Variants in SRP68 observed in about 807,000 individuals in gnomAD.
SRP68 encodes signal recognition particle 68.
A neutral mutation model predicts 82.2 loss-of-function variants in SRP68; 15 were observed. The observed-to-expected ratio is 0.18, with a 90% CI of 0.12 to 0.28. The LOEUF is 0.28. Among genes scored for constraint, SRP68 ranks in the 10% least tolerant of loss-of-function variants. The probability of loss-of-function intolerance (pLI) is 1.00; values close to 1 mark genes in which losing one functional copy is unlikely to be tolerated. For synonymous variants in SRP68, 261 were observed against 292.6 expected (o/e 0.89, Z 1.10); for missense variants, 595 against 780.5 (o/e 0.76, Z 2.83).
intron 14 of SRP68, 163 bp from the exon 15 acceptor site, chr17:76,040,637 G>C: frequency 1.4e-6 from 1 of 736,840 alleles, no homozygotes; most frequent in South Asian, 1.7e-5. Flanking sequence ...GAGATAAACA[G>C]ATCAATCCCA....
At chr17:76,063,323 T>C (rs2066783302) in intron 4 of SRP68, among the ~76,000 whole-genome samples, 1 of 152,186 alleles carries the variant, frequency 6.6e-6, no homozygotes, top group Non-Finnish European at 1.5e-5. Context: ...AAAGTTTACT[T>C]TGTGAACTTT....
chr17:76,072,260 A>C lies in SRP68; in HGVS notation c.184+48T>G. 6.2e-7 allele frequency: 1 copy of C among 1,600,038 alleles called. No homozygotes were observed. Among genetic ancestry groups the C allele is most frequent in the South Asian group, 1.1e-5 (1 of 89,344 alleles). On this transcript the variant is annotated intron_variant, in intron 1 of 15. Coordinates refer to ENST00000307877, the MANE Select transcript of SRP68 (RefSeq NM_014230.4). The surrounding 1 kb of genome is among the most constrained non-coding windows in gnomAD (Gnocchi z 4.5). ...CCGCCTCTCCCGCCCCCAGCCCTCC[A>C]GTTCGACACGTAATCATTGCGAGTT...
At chr17:76,064,819 C>T (rs901233305) in intron 3 of SRP68, among the ~76,000 whole-genome samples, 1 of 115,140 alleles carries the variant, frequency 8.7e-6, no homozygotes, top group Admixed American at 1.1e-4. Context: ...CTCGTTTGGG[C>T]AACAGGGCAA....
At chr17:76,059,869 T>C (rs1484322077) in intron 7 of SRP68, among the ~76,000 whole-genome samples, 1 of 150,984 alleles carries the variant, frequency 6.6e-6, no homozygotes, top group African/African-American at 2.4e-5. Flanking sequence ...CTCATGCCTG[T>C]AATCCCAGCA....
chr17:76,044,559 G>A (rs917214417), intron 12 of SRP68, among the ~76,000 whole-genome samples: 13 of 152,144 alleles, frequency 8.5e-5, no homozygotes, highest in African/African-American at 3.1e-4. Flanking sequence ...GGGCCCCATC[G>A]TGCTACCCAG....
At chr17:76,062,758 TATATATAA>T (rs1319869287) in intron 4 of SRP68, among the ~76,000 whole-genome samples, 1 of 77,028 alleles carries the variant, frequency 1.3e-5, no homozygotes, top group Non-Finnish European at 2.3e-5. Context: ...TATATATATA[TATATATAA>T]AATATATATA....
At chr17:76,050,922 C>G (rs971036076) in intron 8 of SRP68, among the ~76,000 whole-genome samples, 6 of 151,878 alleles carry the variant, frequency 4.0e-5, no homozygotes, top group Admixed American at 2.0e-4. Flanking sequence ...CACTGAAGCA[C>G]AGCACACCAG....
chr17:76,064,198 CA>C, intron 3 of SRP68, 27 bp from the exon 4 acceptor site: 1 of 1,600,140 alleles, frequency 6.2e-7, no homozygotes, highest in Non-Finnish European at 8.5e-7. Context: ...AGTGGGGAGA[CA>C]ATAAAGGCCA....
intron 3 of SRP68, among the ~76,000 whole-genome samples, chr17:76,064,959 T>C (rs1416559597): frequency 2.0e-5 from 3 of 151,898 alleles, no homozygotes; most frequent in Non-Finnish European, 4.4e-5. Flanking sequence ...GGCAAAGTAC[T>C]AACCTTTCTG....
intron 8 of SRP68, among the ~76,000 whole-genome samples, chr17:76,052,490 C>T (rs955866898): frequency 6.6e-6 from 1 of 152,066 alleles, no homozygotes; most frequent in African/African-American, 2.4e-5. Context: ...GGACAAATAC[C>T]TAATGCACAC....
At chr17:76,054,730 G>A (rs950246294) in intron 8 of SRP68, among the ~76,000 whole-genome samples, 2 of 151,872 alleles carry the variant, frequency 1.3e-5, no homozygotes, top group African/African-American at 4.8e-5. Flanking sequence ...GGCTGAGGCA[G>A]GAGAATCACT....
At chr17:76,059,785 G>C (rs911545095) in intron 7 of SRP68, among the ~76,000 whole-genome samples, 2 of 95,218 alleles carry the variant, frequency 2.1e-5, no homozygotes, top group African/African-American at 1.2e-4. Flanking sequence ...GAGTAAGACT[G>C]TCTCAAAAAA....
At position 76,050,466 on chromosome 17, in the gene SRP68, C is replaced by T. The variant is rs750854248; in HGVS notation, c.1039G>A (p.Ala347Thr). 2.4e-5 allele frequency: 39 copies of T among 1,613,722 alleles called. No homozygotes were observed. The highest frequency in any genetic ancestry group is 1.1e-4 in the African/African-American group (8 of 74,854). The part of the protein sequence containing the change: ...FESMLSECRD[A>T]IQVVREELKP... ...AGCTCCTCCCGAACCACCTGGATGG[C>T]GTCCCGACACTCGCTGAGCATTGAT... The change falls in exon 9 of 16, where the codon GCC (alanine) becomes ACC (threonine). Residue 347 changes from alanine to threonine, a missense_variant. By Grantham distance (58) the Ala-to-Thr change is moderately conservative. Coordinates refer to ENST00000307877, the MANE Select transcript of SRP68 (RefSeq NM_014230.4).
Position 76,040,492 on chromosome 17 carries a change from A to T in SRP68, c.1601-18T>A, listed in dbSNP as rs2260516. 305,938 of 1,610,268 alleles carry T rather than the reference A, an allele frequency of 0.19. 29,642 individuals are homozygous for T. Among genetic ancestry groups the T allele is most frequent in the Non-Finnish European group, 0.2 (234,388 of 1,176,694 alleles). On this transcript the variant is annotated intron_variant, in intron 14 of 15. Coordinates refer to ENST00000307877, the MANE Select transcript of SRP68 (RefSeq NM_014230.4). ...GTTTGCATCTGAAAGTTTCACAGGG[A>T]TTCAGTAAGAACAAGGATTTATAAT...
intron 13 of SRP68, among the ~76,000 whole-genome samples, chr17:76,043,090 C>A (rs2066603413): frequency 6.6e-6 from 1 of 151,734 alleles, no homozygotes; most frequent in South Asian, 2.1e-4. Flanking sequence ...ATAGTGAGAC[C>A]CCCATCTCTA....
intron 8 of SRP68, chr17:76,053,497 G>A (rs931801916): frequency 3.0e-6 from 3 of 985,220 alleles, no homozygotes; most frequent in African/African-American, 1.7e-5. Flanking sequence ...TACAGTTCAA[G>A]TTTAAAACCT....
intron 6 of SRP68, chr17:76,060,700 G>C: frequency 2.8e-6 from 1 of 362,698 alleles, no homozygotes; most frequent in African/African-American, 2.1e-5. Context: ...TGTCTATAAA[G>C]GGCCATCAAT....
chr17:76,055,899 C>T (rs923414367), intron 8 of SRP68, among the ~76,000 whole-genome samples: 7 of 149,972 alleles, frequency 4.7e-5, no homozygotes, highest in African/African-American at 1.7e-4. Flanking sequence ...CCTCAAGCTC[C>T]CGGGCTCAAG....
intron 3 of SRP68, 57 bp downstream of exon 3, chr17:76,067,160 T>C: frequency 7.8e-7 from 1 of 1,281,652 alleles, no homozygotes. Flanking sequence ...ACCACGTCAT[T>C]GTTCAATAAA....
Sources: allele counts gnomAD v4.1 joint callset (sites outside exome capture counted in the v4.1 genomes callset), GRCh38; gene constraint gnomAD v4.1.1; non-coding constraint Gnocchi (gnomAD v3.1); transcripts MANE v1.5; gene names NCBI Gene and HGNC (gene_info 2026-07-23, HGNC 2026-07-21).